The following SMKR1 variants were observed in gnomAD, a reference collection of about 807,000 sequenced individuals.
SMKR1 encodes small lysine rich protein 1, also known as small lysine-rich protein 1.
Under a neutral mutation model 4.0 loss-of-function variants are expected in SMKR1, and 4 were observed. That is an observed-to-expected ratio of 1.00 (90% confidence interval 0.49 to 2.30). The LOEUF is 2.30. SMKR1 is among the 30% of genes most tolerant of loss of function. SMKR1 has a pLI of 0.02. For missense variants in SMKR1, 56 were observed against 81.8 expected, an observed-to-expected ratio of 0.68 and a Z score of 1.22; for synonymous variants, 38 against 32.5, an observed-to-expected ratio of 1.17 and a Z score of -0.58.
intron 1 of SMKR1, among the ~76,000 whole-genome samples, chr7:129,506,272 C>T (rs539993978): frequency 6.6e-6 from 1 of 152,140 alleles, no homozygotes; most frequent in Non-Finnish European, 1.5e-5. Context: ...AGACCCTCAT[C>T]TCTATAAAAA....
intron 1 of SMKR1, among the ~76,000 whole-genome samples, chr7:129,503,487 A>G (rs1799432947): frequency 6.6e-6 from 1 of 152,220 alleles, no homozygotes; most frequent in Non-Finnish European, 1.5e-5. Flanking sequence ...CTGCTAAACA[A>G]CAACAAACAA....
At chr7:129,503,639 A>C (rs1191748460) in intron 1 of SMKR1, among the ~76,000 whole-genome samples, 1 of 152,090 alleles carries the variant, frequency 6.6e-6, no homozygotes, top group Non-Finnish European at 1.5e-5. Context: ...TTCAGCGCCC[A>C]CAGCCCTTTG....
intron 1 of SMKR1, among the ~76,000 whole-genome samples, chr7:129,507,873 T>C (rs1303015002): frequency 6.6e-6 from 1 of 152,232 alleles, no homozygotes; most frequent in African/African-American, 2.4e-5. Context: ...GTTTTCTTAC[T>C]GTGGCGTTTT....
chr7:129,505,760 G>A (rs1799458843), intron 1 of SMKR1, among the ~76,000 whole-genome samples: 1 of 152,196 alleles, frequency 6.6e-6, no homozygotes. Flanking sequence ...GAGCCACTGT[G>A]AGCCACCATG....
At chr7:129,504,556 GT>G (rs34092113) in intron 1 of SMKR1, among the ~76,000 whole-genome samples, 20 of 150,442 alleles carry the variant, frequency 1.3e-4, no homozygotes, top group Middle Eastern at 3.4e-3. Flanking sequence ...CTTTGTTTTT[GT>G]TTTTTTTTTT....
chr7:129,502,710 A>C lies in SMKR1; in HGVS notation c.-115A>C. The C allele has an allele frequency of 1.4e-6, 2 of 1,481,170 alleles. No homozygotes were observed. The highest frequency in any genetic ancestry group is 2.4e-5 in the South Asian group (2 of 82,814). 91.8% of individuals were successfully genotyped at this position (1,481,170 alleles called of 1,614,324 possible). ...CGTGGCGGTTCCCTGAGGAGGGCCG[A>C]GAAGGGGCCGGGGGTGCTAGGGGAA... On this transcript the variant is annotated 5_prime_UTR_variant, in exon 1 of 2. Transcript: ENST00000462322.
At chr7:129,509,788 C>T (rs1799507672) in intron 1 of SMKR1, among the ~76,000 whole-genome samples, 1 of 152,226 alleles carries the variant, frequency 6.6e-6, no homozygotes, top group Non-Finnish European at 1.5e-5. Context: ...ATCTGCCCGC[C>T]TCAGCCTCCC....
chr7:129,509,892 AT>A (rs1799509388), intron 1 of SMKR1, among the ~76,000 whole-genome samples: 1 of 152,242 alleles, frequency 6.6e-6, no homozygotes, highest in South Asian at 2.1e-4. Flanking sequence ...AGCTTGGGAC[AT>A]TTTTTGACCG....
intron 1 of SMKR1, among the ~76,000 whole-genome samples, chr7:129,510,088 G>T (rs1170265520): frequency 2.0e-5 from 3 of 152,156 alleles, no homozygotes; most frequent in Non-Finnish European, 4.4e-5. Flanking sequence ...GTTTTGTGCA[G>T]TTCTAGCAAA....
chr7:129,510,119 C>T (rs1584986637), intron 1 of SMKR1, among the ~76,000 whole-genome samples: 1 of 152,290 alleles, frequency 6.6e-6, no homozygotes, highest in Non-Finnish European at 1.5e-5. Context: ...AAACCAAAAA[C>T]TATAACCCTT....
chr7:129,507,015 C>T (rs542047040), intron 1 of SMKR1, among the ~76,000 whole-genome samples: 1 of 150,708 alleles, frequency 6.6e-6, no homozygotes, highest in South Asian at 2.1e-4. Context: ...CCACATCTGA[C>T]TAATTTTTTT....
chr7:129,510,663 G>T (rs1323968217), intron 1 of SMKR1, among the ~76,000 whole-genome samples: 1 of 152,166 alleles, frequency 6.6e-6, no homozygotes, highest in South Asian at 2.1e-4. Flanking sequence ...GGAAGGTCAG[G>T]GTTACAGTAA....
At position 129,512,405 on chromosome 7, in the gene SMKR1, G is replaced by A. The variant is rs1315039441; in HGVS notation, c.162G>A (p.Pro54=). 2.0e-5 allele frequency: 31 copies of A among 1,535,298 alleles called. No individual in the cohort carries two copies. The highest frequency in any genetic ancestry group is 5.9e-5 in the Admixed American group (3 of 50,766). The change falls in exon 2 of 2, where the codon CCG becomes CCA. Residue 54 remains proline, a synonymous_variant. Coordinates refer to ENST00000462322, the MANE Select transcript of SMKR1 (RefSeq NM_001195243.2). ...DCLHLRGFHW[P]GAPKGKKGRS... is the part of the protein sequence containing the mutation. ...TGCATCTGCGAGGCTTCCATTGGCC[G>A]GGTGCTCCCAAAGGAAAGAAAGGGA...
At chr7:129,508,534 C>T (rs976281094) in intron 1 of SMKR1, among the ~76,000 whole-genome samples, 1 of 152,116 alleles carries the variant, frequency 6.6e-6, no homozygotes, top group African/African-American at 2.4e-5. Flanking sequence ...CTCTGCCTTC[C>T]GGGTTCAAGC....
intron 1 of SMKR1, among the ~76,000 whole-genome samples, chr7:129,507,104 C>A (rs759250471): frequency 2.4e-4 from 37 of 151,930 alleles, no homozygotes; most frequent in Non-Finnish European, 4.6e-4. Context: ...CAAGCTCCGC[C>A]TCCTGGGTTC....
chr7:129,505,596 A>T (rs1228578779), intron 1 of SMKR1, among the ~76,000 whole-genome samples: 1 of 151,754 alleles, frequency 6.6e-6, no homozygotes, highest in East Asian at 1.9e-4. Flanking sequence ...CTCCTGCCTC[A>T]GCCTCCTGAG....
chr7:129,506,627 C>T (rs769265321), intron 1 of SMKR1, among the ~76,000 whole-genome samples: 1 of 151,796 alleles, frequency 6.6e-6, no homozygotes, highest in Non-Finnish European at 1.5e-5. Flanking sequence ...GCTGGTCTGC[C>T]CTCTCTCTAG....
chr7:129,511,478 T>A (rs1048270906), intron 1 of SMKR1, among the ~76,000 whole-genome samples: 5 of 152,228 alleles, frequency 3.3e-5, no homozygotes, highest in Non-Finnish European at 7.3e-5. Flanking sequence ...CTTCTGTGAT[T>A]TGCTGCCATT....
chr7:129,504,910 A>C (rs146494928), intron 1 of SMKR1, among the ~76,000 whole-genome samples: 2 of 152,332 alleles, frequency 1.3e-5, no homozygotes, highest in Non-Finnish European at 2.9e-5. Flanking sequence ...TTAGGTGACT[A>C]GTGTCTTCCT....
Sources: gnomAD v4.1 joint callset for allele counts (sites outside exome capture counted in the v4.1 genomes callset) on GRCh38, gnomAD v4.1.1 for gene constraint, MANE v1.5 for transcripts, NCBI Gene and HGNC (gene_info 2026-07-23, HGNC 2026-07-21) for gene names.